Variants in LOC400499 observed in about 807,000 individuals in gnomAD.
the LOC400499 span, chr16:11,383,924 C>A: frequency 8.1e-7 from 1 of 1,231,908 alleles, no homozygotes; most frequent in Non-Finnish European, 1.0e-6. Context: ...TGGGGGCCCT[C>A]GAAGAAGGCC....
the LOC400499 span, chr16:11,446,955 G>A: frequency 6.6e-7 from 1 of 1,506,112 alleles, no homozygotes. Context: ...TAAAGCAGCT[G>A]GCAGTGCCAG....
chr16:11,472,342 G>A, the LOC400499 span: 2 of 152,128 alleles, frequency 1.3e-5, no homozygotes, highest in African/African-American at 4.8e-5. Flanking sequence ...ACAGGCACGT[G>A]GCACCACGCC....
At chr16:11,457,017 C>T in the LOC400499 span, 1 of 1,532,868 alleles carries the variant, frequency 6.5e-7, no homozygotes. Context: ...ATCCACCTGC[C>T]TCTCAGGCAC....
chr16:11,412,094 G>A, the LOC400499 span, among the ~76,000 whole-genome samples: 2 of 151,976 alleles, frequency 1.3e-5, no homozygotes, highest in Non-Finnish European at 2.9e-5. Context: ...CGAGCTTCTG[G>A]GCTTAAGCAA....
At chr16:11,517,641 C>T in the LOC400499 span, among the ~76,000 whole-genome samples, 2 of 152,098 alleles carry the variant, frequency 1.3e-5, no homozygotes, top group South Asian at 2.1e-4. Context: ...AATGAGGTCC[C>T]GAGACGGGGG....
chr16:11,425,321 C>T, the LOC400499 span: 2 of 399,278 alleles, frequency 5.0e-6, no homozygotes, highest in East Asian at 3.6e-5. Context: ...GGCTGCTGTT[C>T]TGGGCAAGGA....
the LOC400499 span, among the ~76,000 whole-genome samples, chr16:11,486,985 G>A: frequency 2.0e-5 from 3 of 151,140 alleles, no homozygotes; most frequent in South Asian, 2.1e-4. Context: ...GGATGGACGA[G>A]ATGAATGAGA....
chr16:11,433,256 C>T, the LOC400499 span, among the ~76,000 whole-genome samples: 2 of 152,180 alleles, frequency 1.3e-5, no homozygotes, highest in South Asian at 2.1e-4. Context: ...GCCTCGAATC[C>T]TTTTCAGACT....
the LOC400499 span, among the ~76,000 whole-genome samples, chr16:11,517,075 C>T: frequency 6.6e-6 from 1 of 152,194 alleles, no homozygotes; most frequent in African/African-American, 2.4e-5. Context: ...CATCAATGCC[C>T]TCCAGGGAGT....
At chr16:11,487,020 G>C in the LOC400499 span, among the ~76,000 whole-genome samples, 1 of 151,896 alleles carries the variant, frequency 6.6e-6, no homozygotes, top group Non-Finnish European at 1.5e-5. Flanking sequence ...TGGACGGATG[G>C]ACAGATGAGC....
the LOC400499 span, among the ~76,000 whole-genome samples, chr16:11,434,249 G>A: frequency 1.3e-5 from 2 of 152,168 alleles, no homozygotes; most frequent in East Asian, 3.8e-4. Flanking sequence ...AATGTATAAA[G>A]GGTGGCTCAT....
the LOC400499 span, chr16:11,404,637 G>A: frequency 9.8e-5 from 39 of 398,722 alleles, 1 homozygote; most frequent in African/African-American, 5.3e-4. Context: ...ATGAGCCACC[G>A]CGCCTGGCCA....
chr16:11,458,111 A>G, the LOC400499 span, among the ~76,000 whole-genome samples: 64,829 of 152,022 alleles, frequency 0.43, 14,433 homozygotes, highest in Non-Finnish European at 0.5. Flanking sequence ...TTGGGAGGCC[A>G]AGGCAGGCGG....
chr16:11,452,509 C>T, the LOC400499 span, among the ~76,000 whole-genome samples: 1 of 152,210 alleles, frequency 6.6e-6, no homozygotes, highest in African/African-American at 2.4e-5. Flanking sequence ...CTGCACACAG[C>T]TCATGGGTCA....
the LOC400499 span, chr16:11,488,804 G>C: frequency 2.5e-6 from 1 of 398,864 alleles, no homozygotes; most frequent in African/African-American, 2.1e-5. Context: ...GTCCCGGAGG[G>C]CCCGTTTCAG....
the LOC400499 span, among the ~76,000 whole-genome samples, chr16:11,419,400 T>C: frequency 6.6e-6 from 1 of 151,898 alleles, no homozygotes; most frequent in African/African-American, 2.4e-5. Flanking sequence ...TAGCCATATG[T>C]AGAAAGCTGA....
At chr16:11,424,371 G>C in the LOC400499 span, 26 of 399,544 alleles carry the variant, frequency 6.5e-5, no homozygotes, top group Admixed American at 1.8e-4. Context: ...GCGGGCAGGA[G>C]TGGGCAGAGC....
At chr16:11,485,014 T>G in the LOC400499 span, 2 of 398,966 alleles carry the variant, frequency 5.0e-6, no homozygotes, top group African/African-American at 2.1e-5. Flanking sequence ...GACCCCAGAA[T>G]GACTTCCTGC....
the LOC400499 span, chr16:11,494,632 G>A: frequency 1.5e-5 from 6 of 399,146 alleles, no homozygotes; most frequent in Admixed American, 8.8e-5. Flanking sequence ...CGTCTCCCAG[G>A]ATCCTCACTA....
Sources: allele counts gnomAD v4.1 joint callset (sites outside exome capture counted in the v4.1 genomes callset), GRCh38; gene constraint gnomAD v4.1.1; transcripts MANE v1.5.